Variants in CTNNA2 observed in about 807,000 individuals in gnomAD.
The protein encoded by CTNNA2 is catenin alpha 2.
CTNNA2 carries 42 observed loss-of-function variants against 101.0 expected under a neutral mutation model. The ratio of observed to expected loss-of-function variants is 0.42; its 90% CI spans 0.32 to 0.54. CTNNA2 has a LOEUF of 0.54. Ranked by LOEUF, CTNNA2 falls within the 20% of genes least tolerant of loss-of-function variation. The pLI is 0.14. For missense variants in CTNNA2, 871 were observed against 1,223.1 expected, an observed-to-expected ratio of 0.71 and a Z score of 4.29; for synonymous variants, 450 against 456.4, an observed-to-expected ratio of 0.99 and a Z score of 0.18.
chr2:79,920,966 T>C (rs1686612645), intron 7 of CTNNA2, among the ~76,000 whole-genome samples: 1 of 152,226 alleles, frequency 6.6e-6, no homozygotes, highest in Non-Finnish European at 1.5e-5. Context: ...GGACCATTTT[T>C]AGTTCACAGC....
intron 7 of CTNNA2, chr2:80,328,344 T>C (rs1671009535): frequency 2.1e-6 from 1 of 470,942 alleles, no homozygotes; most frequent in South Asian, 1.5e-5. Flanking sequence ...CTTCAAGTTG[T>C]GTGAGGTAAA....
chr2:80,232,326 TTTG>T, intron 7 of CTNNA2, among the ~76,000 whole-genome samples: 14 of 73,854 alleles, frequency 1.9e-4, no homozygotes, highest in African/African-American at 1.0e-3. Context: ...TTGGGTTTTG[TTTG>T]TTTGTTTGTT....
At chr2:80,109,113 G>A (rs770371578) in intron 7 of CTNNA2, among the ~76,000 whole-genome samples, 2 of 152,204 alleles carry the variant, frequency 1.3e-5, no homozygotes, top group Non-Finnish European at 2.9e-5. Flanking sequence ...TTTTAGGATT[G>A]TTCCATGAAC....
chr2:80,416,390 C>T (rs1005826328), intron 8 of CTNNA2, among the ~76,000 whole-genome samples: 1 of 151,914 alleles, frequency 6.6e-6, no homozygotes, highest in African/African-American at 2.4e-5. Flanking sequence ...GAATCAAATC[C>T]GATGTGTTTC....
At chr2:79,929,665 C>T (rs557761106) in intron 7 of CTNNA2, among the ~76,000 whole-genome samples, 2 of 152,256 alleles carry the variant, frequency 1.3e-5, no homozygotes, top group South Asian at 2.1e-4. Context: ...GTAGGATGGC[C>T]CCATCATCGA....
chr2:79,860,605 A>G (rs898755181), intron 4 of CTNNA2, among the ~76,000 whole-genome samples: 13 of 141,764 alleles, frequency 9.2e-5, no homozygotes, highest in African/African-American at 1.6e-4. Flanking sequence ...CAACCTGGCA[A>G]TATTAAGTAG....
chr2:80,638,444 G>A (rs190266997), intron 18 of CTNNA2, among the ~76,000 whole-genome samples: 125 of 152,254 alleles, frequency 8.2e-4, no homozygotes, highest in Non-Finnish European at 1.5e-3. Flanking sequence ...CTGAAGGGTT[G>A]GGATAAGCGA....
At chr2:80,390,390 T>TC (rs1470088557) in intron 7 of CTNNA2, among the ~76,000 whole-genome samples, 1 of 152,178 alleles carries the variant, frequency 6.6e-6, no homozygotes, top group Non-Finnish European at 1.5e-5. Flanking sequence ...TTTCATGTGT[T>TC]CCCCACAGGG....
At chr2:79,436,252 A>C (rs1678712516) in intron 4 of CTNNA2, among the ~76,000 whole-genome samples, 1 of 152,188 alleles carries the variant, frequency 6.6e-6, no homozygotes, top group Non-Finnish European at 1.5e-5. Flanking sequence ...AAACAGGAGG[A>C]GGACAAATGG....
At chr2:80,276,011 A>C (rs1210463739) in intron 7 of CTNNA2, among the ~76,000 whole-genome samples, 2 of 152,074 alleles carry the variant, frequency 1.3e-5, no homozygotes, top group Non-Finnish European at 2.9e-5. Flanking sequence ...CAACTTTATA[A>C]TGGAGGGAAA....
chr2:80,121,396 A>G (rs371412609), intron 7 of CTNNA2, among the ~76,000 whole-genome samples: 2 of 152,328 alleles, frequency 1.3e-5, no homozygotes, highest in African/African-American at 4.8e-5. Flanking sequence ...GAGTAAAACA[A>G]TGCATATGAA....
At chr2:79,591,558 T>C (rs2103985847) in intron 1 of CTNNA2, among the ~76,000 whole-genome samples, 1 of 152,382 alleles carries the variant, frequency 6.6e-6, no homozygotes, top group Admixed American at 6.5e-5. Flanking sequence ...ATTCCAGTTA[T>C]GTATTTCTTA....
intron 9 of CTNNA2, among the ~76,000 whole-genome samples, chr2:80,451,096 T>C (rs1260283767): frequency 6.6e-6 from 1 of 152,096 alleles, no homozygotes; most frequent in African/African-American, 2.4e-5. Context: ...CCCCCTCCCA[T>C]GTGATTTTGT....
At chr2:79,983,227 TTAATA>T (rs1240403504) in intron 7 of CTNNA2, among the ~76,000 whole-genome samples, 2 of 149,770 alleles carry the variant, frequency 1.3e-5, no homozygotes, top group African/African-American at 4.9e-5. Flanking sequence ...CATATCCATA[TTAATA>T]TAATAATAAA....
chr2:80,157,686 T>C (rs1207576072), intron 7 of CTNNA2, among the ~76,000 whole-genome samples: 1 of 152,094 alleles, frequency 6.6e-6, no homozygotes, highest in Non-Finnish European at 1.5e-5. Flanking sequence ...ACTTGCTGTG[T>C]CTGAGAATGT....
rs1035726202 is a variant in CTNNA2 at position 80,254,463 on chromosome 2, G to T, written c.1057-138748G>T. The stretch of plus-strand genomic sequence containing the variant: ...CACTGTAAAAGTGTAGCCAAGGTAT[G>T]GGGGGAGCTGGTTCAGGAACTCTGC... On this transcript the variant is annotated intron_variant, in intron 7 of 18. Transcript: ENST00000402739. 2.6e-5 allele frequency among the ~76,000 whole-genome samples: 4 copies of T among 152,112 alleles called. No individual in the cohort carries two copies. In the South Asian group the frequency reaches 8.3e-4, roughly 31 times the overall value.
chr2:79,629,279 T>C (rs949235933), intron 1 of CTNNA2, among the ~76,000 whole-genome samples: 2 of 152,222 alleles, frequency 1.3e-5, no homozygotes, highest in Non-Finnish European at 2.9e-5. Flanking sequence ...TGAAAGGTAC[T>C]GACCTATCTT....
At chr2:79,863,672 A>G (rs1050703786) in intron 4 of CTNNA2, among the ~76,000 whole-genome samples, 1 of 152,232 alleles carries the variant, frequency 6.6e-6, no homozygotes, top group African/African-American at 2.4e-5. Context: ...CTTAAGGAAT[A>G]TGGGAATGGC....
chr2:79,402,730 A>G (rs1438461019), intron 4 of CTNNA2, among the ~76,000 whole-genome samples: 1 of 151,886 alleles, frequency 6.6e-6, no homozygotes, highest in African/African-American at 2.4e-5. Context: ...TAAACCATAT[A>G]TAGGCCATAG....
Sources: gnomAD v4.1 joint callset for allele counts (sites outside exome capture counted in the v4.1 genomes callset) on GRCh38, gnomAD v4.1.1 for gene constraint, MANE v1.5 for transcripts, NCBI Gene and HGNC (gene_info 2026-07-23, HGNC 2026-07-21) for gene names.